Variants in OXR1 observed in about 807,000 individuals in gnomAD.
OXR1 encodes the protein oxidation resistance protein 1.
OXR1 carries 41 observed loss-of-function variants against 104.6 expected under a neutral mutation model. The ratio of observed to expected loss-of-function variants is 0.39; its 90% confidence interval spans 0.31 to 0.51. OXR1 has a LOEUF of 0.51. Ranked by LOEUF, OXR1 falls within the 20% of genes least tolerant of loss-of-function variation. The probability of loss-of-function intolerance (pLI) is 0.77; values close to 1 mark genes in which losing one functional copy is unlikely to be tolerated. For missense variants in OXR1, 955 were observed against 1,031.9 expected (o/e 0.93, Z 1.02); for synonymous variants, 348 against 348.4 (o/e 1.00, Z 0.01).
chr8:106,564,627 G>A (rs1307111795), intron 3 of OXR1, among the ~76,000 whole-genome samples: 15 of 152,160 alleles, frequency 9.9e-5, no homozygotes, highest in South Asian at 6.2e-4. Context: ...TCCCTAACTC[G>A]TTTTATGAGG....
chr8:106,353,716 C>T (rs115953726), intron 1 of OXR1, among the ~76,000 whole-genome samples: 1,787 of 152,170 alleles, frequency 0.012, 33 homozygotes, highest in African/African-American at 0.04. Context: ...TCCATTACCT[C>T]ACTAATGTAT....
intron 3 of OXR1, among the ~76,000 whole-genome samples, chr8:106,533,862 C>T (rs533855315): frequency 6.6e-6 from 1 of 152,048 alleles, no homozygotes; most frequent in South Asian, 2.1e-4. Context: ...ATTACATGTG[C>T]CACCACGCCT....
At chr8:106,530,191 A>C (rs1206182755) in intron 3 of OXR1, among the ~76,000 whole-genome samples, 1 of 152,200 alleles carries the variant, frequency 6.6e-6, no homozygotes, top group Non-Finnish European at 1.5e-5. Flanking sequence ...GAATTTAAAG[A>C]GCTTCTAGGA....
chr8:106,455,520 G>A (rs961045142), intron 2 of OXR1, among the ~76,000 whole-genome samples: 2 of 152,168 alleles, frequency 1.3e-5, no homozygotes, highest in Non-Finnish European at 2.9e-5. Flanking sequence ...TCATTACTGA[G>A]TGTTAAAATT....
Position 106,331,591 on chromosome 8 carries a change from A to C in OXR1, c.-138-27885A>C, listed in dbSNP as rs181485664. ...AAATGTCGTAAATCCCATTCTGAAAAACTTTTTATTCTTTGTAATGGTAAA... is the reference window on the plus strand; with the variant it reads ...AAATGTCGTAAATCCCATTCTGAAACACTTTTTATTCTTTGTAATGGTAAA... On this transcript the variant is annotated intron_variant, in intron 1 of 16. Coordinates refer to ENST00000517566, the MANE Select transcript of OXR1 (RefSeq NM_001198533.2). Among the ~76,000 whole-genome samples the C allele has an allele frequency of 1.4e-4, 21 of 152,252 alleles. No homozygotes were observed. The East Asian group carries it at 1.5e-3, about 11-fold the overall frequency.
intron 11 of OXR1, among the ~76,000 whole-genome samples, chr8:106,733,169 G>A (rs578098241): frequency 2.4e-4 from 37 of 152,224 alleles, no homozygotes; most frequent in African/African-American, 8.9e-4. Context: ...TGAGATAATA[G>A]GCATGCATTA....
At chr8:106,366,992 T>C (rs1261851953) in intron 2 of OXR1, among the ~76,000 whole-genome samples, 3 of 152,040 alleles carry the variant, frequency 2.0e-5, no homozygotes, top group Non-Finnish European at 2.9e-5. Context: ...GTTTAAACAA[T>C]CACTTTTCAT....
chr8:106,692,812 G>A lies in OXR1; in HGVS notation c.610G>A (p.Glu204Lys). The change falls in exon 7 of 17, where the codon GAG becomes AAG. Residue 204 changes from glutamate (E) to lysine (K), a missense_variant. Around this residue, in one of 2 missense-constraint regions of OXR1, gnomAD observed 849 missense variants for 852.9 expected, o/e 1.00. Transcript: ENST00000517566. Reference sequence around the variant, plus strand: ...TGCACGAGTTGTATCTTCAACTTCTGAGGAGGAGGAAGCATTTACTGAGAA... The same window carrying A: ...TGCACGAGTTGTATCTTCAACTTCTAAGGAGGAGGAAGCATTTACTGAGAA... ...RPARVVSSTS[E>K]EEEAFTEKFL... 1 of 1,604,804 alleles carries A rather than the reference G, an allele frequency of 6.2e-7. No individual in the cohort carries two copies. The highest frequency in any genetic ancestry group is 8.5e-7 in the Non-Finnish European group (1 of 1,173,416).
chr8:106,493,535 G>GTTTT (rs781188644), intron 2 of OXR1, among the ~76,000 whole-genome samples: 1 of 151,884 alleles, frequency 6.6e-6, no homozygotes, highest in Non-Finnish European at 1.5e-5. Flanking sequence ...TTAACTTCCC[G>GTTTT]TTTGATTCTT....
intron 2 of OXR1, among the ~76,000 whole-genome samples, chr8:106,495,682 G>T (rs902540694): frequency 2.0e-5 from 3 of 152,202 alleles, no homozygotes; most frequent in Admixed American, 1.3e-4. Flanking sequence ...AGACAGCAAA[G>T]AATTCGGTCT....
chr8:106,284,410 G>C (rs1239967466), intron 1 of OXR1, among the ~76,000 whole-genome samples: 3 of 152,086 alleles, frequency 2.0e-5, no homozygotes, highest in Non-Finnish European at 4.4e-5. Context: ...GCCAGTGCCA[G>C]ATAATCCAGA....
intron 2 of OXR1, among the ~76,000 whole-genome samples, chr8:106,452,403 A>C (rs1433342137): frequency 6.6e-6 from 1 of 152,168 alleles, no homozygotes; most frequent in African/African-American, 2.4e-5. Flanking sequence ...TTCATTATAT[A>C]TATAAAATTT....
chr8:106,365,212 A>G (rs576499821), intron 2 of OXR1, among the ~76,000 whole-genome samples: 18 of 152,242 alleles, frequency 1.2e-4, no homozygotes, highest in African/African-American at 4.1e-4. Context: ...TGATAGGAAA[A>G]GCTTAGTTGT....
intron 1 of OXR1, among the ~76,000 whole-genome samples, chr8:106,288,921 T>G (rs1378254126): frequency 6.6e-6 from 1 of 151,960 alleles, no homozygotes; most frequent in Non-Finnish European, 1.5e-5. Flanking sequence ...GTGCACTCTT[T>G]GCCAAACATT....
At chr8:106,339,538 A>G (rs1407915316) in intron 1 of OXR1, among the ~76,000 whole-genome samples, 1 of 118,204 alleles carries the variant, frequency 8.5e-6, no homozygotes, top group Non-Finnish European at 1.7e-5. Flanking sequence ...ATATATATAT[A>G]TATATATATA....
intron 15 of OXR1, among the ~76,000 whole-genome samples, chr8:106,742,841 A>G (rs1324700449): frequency 6.6e-6 from 1 of 152,206 alleles, no homozygotes; most frequent in Non-Finnish European, 1.5e-5. Flanking sequence ...AAATTATAAA[A>G]ACCCTAGAAG....
intron 3 of OXR1, among the ~76,000 whole-genome samples, chr8:106,556,695 TCA>T (rs1490490960): frequency 6.6e-6 from 1 of 152,194 alleles, no homozygotes; most frequent in African/African-American, 2.4e-5. Context: ...AATTGAAAAC[TCA>T]CTCCAGCAAA....
chr8:106,622,283 C>T (rs1337535915), intron 3 of OXR1, among the ~76,000 whole-genome samples: 2 of 152,074 alleles, frequency 1.3e-5, no homozygotes, highest in Non-Finnish European at 2.9e-5. Flanking sequence ...GTGCAAGAGA[C>T]TCCCAACCGG....
chr8:106,370,587 A>G (rs1347409475), intron 2 of OXR1, among the ~76,000 whole-genome samples: 1 of 152,156 alleles, frequency 6.6e-6, no homozygotes, highest in Admixed American at 6.5e-5. Context: ...TACCTAGTTT[A>G]TTGAGAGTTT....
Sources: allele counts gnomAD v4.1 joint callset (sites outside exome capture counted in the v4.1 genomes callset), GRCh38; gene constraint gnomAD v4.1.1; regional missense constraint gnomAD v4.1.1; transcripts MANE v1.5; gene names NCBI Gene and HGNC (gene_info 2026-07-23, HGNC 2026-07-21).